SYCP2L: variants seen among roughly 807,000 people sequenced by gnomAD.
SYCP2L encodes the protein synaptonemal complex protein 2 like.
SYCP2L carries 98 observed loss-of-function variants against 125.8 expected under a neutral mutation model. The ratio of observed to expected loss-of-function variants is 0.78; its 90% CI spans 0.66 to 0.92. The LOEUF (loss-of-function observed/expected upper bound fraction) is 0.92, where lower values mean the gene tolerates loss of function less well. SYCP2L is among the 40% of genes least tolerant of loss of function. The probability of loss-of-function intolerance (pLI) is 0.00; values close to 1 mark genes in which losing one functional copy is unlikely to be tolerated. For synonymous variants in SYCP2L, 317 were observed against 325.4 expected (o/e 0.97, Z 0.28); for missense variants, 842 against 936.4 (o/e 0.90, Z 1.32).
At chr6:10,944,237 G>C (rs1581838327) in intron 23 of SYCP2L, among the ~76,000 whole-genome samples, 1 of 152,270 alleles carries the variant, frequency 6.6e-6, no homozygotes, top group East Asian at 1.9e-4. Context: ...ATGTGTGTGT[G>C]GACACTGAAG....
At chr6:10,960,661 G>A (rs1005201138) in intron 26 of SYCP2L, among the ~76,000 whole-genome samples, 3 of 152,138 alleles carry the variant, frequency 2.0e-5, no homozygotes, top group Non-Finnish European at 4.4e-5. Flanking sequence ...CTTAATGCAA[G>A]AGAAAGGGGA....
At position 10,935,180 on chromosome 6, in the gene SYCP2L, GAA is replaced by G; in HGVS notation, c.1809_1810del (p.Lys603AsnfsTer11). ...TTTTGACTGCTGAAGATTCTGCCCA[GAA>G]AACAGGTACATGATTTTCTGTTGAC... ...AFLTAEDSAQ[K>X]TELQDPHSLS... is the part of the protein sequence containing the mutation. On this transcript the variant is annotated frameshift_variant, in exon 21 of 30. Transcript: ENST00000283141. LOFTEE classifies it high-confidence loss of function. 1 of 1,611,540 alleles carries G rather than the reference GAA, an allele frequency of 6.2e-7. No homozygotes were observed.
intron 29 of SYCP2L, among the ~76,000 whole-genome samples, chr6:10,970,843 G>A (rs1279609973): frequency 6.6e-6 from 1 of 152,088 alleles, no homozygotes; most frequent in African/African-American, 2.4e-5. Flanking sequence ...TAGAGAGGAA[G>A]CCCAGGACAA....
In SYCP2L at chr6:10,956,216, A is replaced by G. The variant is rs779730850; in HGVS notation, c.2137A>G (p.Thr713Ala). The G allele has an allele frequency of 6.2e-5, 100 of 1,613,666 alleles. No individual in the cohort carries two copies. The highest frequency in any genetic ancestry group is 7.8e-5 in the Non-Finnish European group (92 of 1,179,942). ...CATTCTCCCAACCTTTGAAAACTTC[A>G]CTAAAAAACGGAAAAGAAAATATGA... Reference protein sequence around the residue: ...SAILPTFENFTKKRKRKYELR... With the variant: ...SAILPTFENFAKKRKRKYELR... Residue 713 changes from threonine (T) to alanine (A), a missense_variant, in exon 25 of 30, where the codon ACT (threonine) becomes GCT (alanine). By Grantham distance (58) the Thr-to-Ala change is moderately conservative (BLOSUM62 0). Transcript: ENST00000283141.
At chr6:10,957,146 T>C (rs1359740149) in intron 25 of SYCP2L, among the ~76,000 whole-genome samples, 1 of 152,170 alleles carries the variant, frequency 6.6e-6, no homozygotes, top group Non-Finnish European at 1.5e-5. Context: ...TATTTGTCAA[T>C]TATACTTCAA....
intron 18 of SYCP2L, among the ~76,000 whole-genome samples, 199 bp downstream of exon 18, chr6:10,928,649 C>T (rs1216338415): frequency 6.6e-6 from 1 of 152,214 alleles, no homozygotes; most frequent in Non-Finnish European, 1.5e-5. Context: ...TGTGATCCTC[C>T]CGCTTCAGCT....
intron 29 of SYCP2L, among the ~76,000 whole-genome samples, 185 bp downstream of exon 29, chr6:10,964,028 G>A (rs1304574553): frequency 6.6e-6 from 1 of 151,464 alleles, no homozygotes; most frequent in Non-Finnish European, 1.5e-5. Context: ...CATGATCTCG[G>A]CTCACTGCAA....
At chr6:10,905,437 C>T (rs1036550762) in intron 8 of SYCP2L, among the ~76,000 whole-genome samples, 4 of 151,928 alleles carry the variant, frequency 2.6e-5, no homozygotes, top group Non-Finnish European at 5.9e-5. Flanking sequence ...GGAATACAGG[C>T]ATGTGCTGCC....
At chr6:10,887,991 G>A (rs1174518386) in intron 1 of SYCP2L, among the ~76,000 whole-genome samples, 1 of 146,078 alleles carries the variant, frequency 6.8e-6, no homozygotes, top group Non-Finnish European at 1.5e-5. Flanking sequence ...TATGTGCCCA[G>A]GCACTATGCT....
intron 26 of SYCP2L, among the ~76,000 whole-genome samples, chr6:10,961,078 CAAA>C (rs112283703): frequency 5.9e-5 from 7 of 117,678 alleles, no homozygotes; most frequent in African/African-American, 9.1e-5. Context: ...AACTCCATCT[CAAA>C]AAAAAAAAAA....
In SYCP2L at chr6:10,902,663, A is replaced by T; in HGVS notation, c.467-14A>T. On this transcript the variant is annotated splice_polypyrimidine_tract_variant and intron_variant, in intron 6 of 29. Transcript: ENST00000283141. ...TCCAAACATAAATTTGATGCTTTGAAATTATACTTTCAGGGAAAATTCAGA... is the reference window on the plus strand; with the variant it reads ...TCCAAACATAAATTTGATGCTTTGATATTATACTTTCAGGGAAAATTCAGA... 1 of 1,610,126 alleles carries T rather than the reference A, an allele frequency of 6.2e-7. No individual in the cohort carries two copies. Among genetic ancestry groups the T allele is most frequent in the Non-Finnish European group, 8.5e-7 (1 of 1,176,918 alleles).
chr6:10,941,068 ATAAG>A (rs1781209381), intron 21 of SYCP2L, among the ~76,000 whole-genome samples: 2 of 152,242 alleles, frequency 1.3e-5, no homozygotes, highest in South Asian at 4.1e-4. Context: ...TCCCTATTTA[ATAAG>A]TGGTGCTGGG....
intron 22 of SYCP2L, 73 bp from the exon 23 acceptor site, chr6:10,942,604 C>T: frequency 6.3e-7 from 1 of 1,588,042 alleles, no homozygotes; most frequent in African/African-American, 1.3e-5. Flanking sequence ...TTGGCTATTC[C>T]TTCTGACGAG....
At chr6:10,903,148 A>G (rs1780409975) in intron 8 of SYCP2L, among the ~76,000 whole-genome samples, 185 bp downstream of exon 8, 1 of 152,220 alleles carries the variant, frequency 6.6e-6, no homozygotes, top group Non-Finnish European at 1.5e-5. Context: ...AAAAGAAGAC[A>G]TTGTGCCCAG....
At position 10,958,815 on chromosome 6, in the gene SYCP2L, A is replaced by C; in HGVS notation, c.2195A>C (p.Glu732Ala). The change falls in exon 26 of 30, where the codon GAA (glutamate) becomes GCA (alanine). Residue 732 changes from glutamate to alanine, a missense_variant. By Grantham distance (107) the Glu-to-Ala change is moderately radical. Transcript: ENST00000283141. Reference sequence around the variant, plus strand: ...TACAGAAAGCGTCCGTTTAATTCAGAAAATGCAAAGAAAGCACCGGATTGC... The same window carrying C: ...TACAGAAAGCGTCCGTTTAATTCAGCAAATGCAAAGAAAGCACCGGATTGC... ...LRYRKRPFNS[E>A]NAKKAPDCLI... 1 of 1,613,852 alleles carries C rather than the reference A, an allele frequency of 6.2e-7. No homozygotes were observed. Among genetic ancestry groups the C allele is most frequent in the Non-Finnish European group, 8.5e-7 (1 of 1,179,936 alleles).
chr6:10,933,384 A>G (rs1421761514), intron 20 of SYCP2L, among the ~76,000 whole-genome samples: 1 of 152,250 alleles, frequency 6.6e-6, no homozygotes, highest in Non-Finnish European at 1.5e-5. Flanking sequence ...GCAACAGATT[A>G]GTTTGCCAAC....
chr6:10,963,882 C>G lies in SYCP2L; in HGVS notation c.*37+39C>G, dbSNP rs952857916. ...TTTGCATTGTTCAGTGGATGTGAAT[C>G]GGGGTCAGGGCAGGGAGCAAGCTCT... On this transcript the variant is annotated intron_variant, in intron 29 of 29. Coordinates refer to ENST00000283141, the MANE Select transcript of SYCP2L (RefSeq NM_001040274.3). 18 of 1,527,078 alleles carry G rather than the reference C, an allele frequency of 1.2e-5. No homozygotes were observed. In the East Asian group the frequency reaches 3.4e-4, roughly 29 times the overall value. The allele number at this position is 1,527,078 out of a possible 1,614,324, so 94.6% of individuals were successfully genotyped here.
chr6:10,931,343 A>C (rs1581831714), intron 19 of SYCP2L, 97 bp from the exon 20 acceptor site: 1 of 1,179,134 alleles, frequency 8.5e-7, no homozygotes, highest in Non-Finnish European at 1.3e-6. Context: ...GGAAGTGGGA[A>C]TTGCTTTTAG....
chr6:10,943,836 CT>C (rs1781263976), intron 23 of SYCP2L, among the ~76,000 whole-genome samples: 1 of 152,104 alleles, frequency 6.6e-6, no homozygotes, highest in Non-Finnish European at 1.5e-5. Context: ...TATGTGGCTT[CT>C]TTTGCTCAAT....
Sources: allele counts gnomAD v4.1 joint callset (sites outside exome capture counted in the v4.1 genomes callset), GRCh38; gene constraint gnomAD v4.1.1; transcripts MANE v1.5; gene names NCBI Gene and HGNC (gene_info 2026-07-23, HGNC 2026-07-21).